NALF1: variants seen among roughly 807,000 people sequenced by gnomAD.
NALF1 encodes the protein family with sequence similarity 155 member A.
NALF1 carries 3 observed loss-of-function variants against 48.4 expected under a neutral mutation model. The ratio of observed to expected loss-of-function variants is 0.06; its 90% CI spans 0.03 to 0.16. The LOEUF (loss-of-function observed/expected upper bound fraction) is 0.16, where lower values mean the gene tolerates loss of function less well. Among genes scored for constraint, NALF1 ranks in the 10% least tolerant of loss-of-function variants. The pLI is 1.00. For missense variants in NALF1, 526 were observed against 571.5 expected (o/e 0.92, Z 0.81); for synonymous variants, 262 against 245.7 (o/e 1.07, Z -0.62).
intron 1 of NALF1, among the ~76,000 whole-genome samples, chr13:107,623,200 C>A (rs1386810988): frequency 6.6e-6 from 1 of 152,112 alleles, no homozygotes; most frequent in Non-Finnish European, 1.5e-5. Flanking sequence ...TAAAAATTTT[C>A]AAGTTCTTAT....
intron 1 of NALF1, among the ~76,000 whole-genome samples, chr13:107,792,369 A>T (rs754319795): frequency 5.3e-5 from 8 of 152,224 alleles, no homozygotes; most frequent in Non-Finnish European, 1.2e-4. Flanking sequence ...AGAACTAAAG[A>T]CAAAATGTGA....
intron 1 of NALF1, among the ~76,000 whole-genome samples, chr13:107,785,544 C>T (rs180895120): frequency 5.3e-5 from 8 of 152,032 alleles, no homozygotes; most frequent in East Asian, 1.9e-4. Context: ...TGGGGACTTG[C>T]GGGGAAGGGT....
chr13:107,369,314 T>C (rs1883207971), intron 1 of NALF1, among the ~76,000 whole-genome samples: 2 of 152,154 alleles, frequency 1.3e-5, no homozygotes, highest in South Asian at 4.1e-4. Flanking sequence ...TATCTTTCCT[T>C]ATTACAAGGA....
At chr13:107,176,952 C>T (rs1425135722) in intron 2 of NALF1, among the ~76,000 whole-genome samples, 1 of 151,412 alleles carries the variant, frequency 6.6e-6, no homozygotes. Context: ...CCCCAAATGT[C>T]ATAATTTCAT....
At chr13:107,836,094 G>A (rs773487123) in intron 1 of NALF1, among the ~76,000 whole-genome samples, 13 of 152,010 alleles carry the variant, frequency 8.6e-5, no homozygotes, top group Non-Finnish European at 1.8e-4. Flanking sequence ...TGACTCAAGC[G>A]ATCCTCCCAC....
chr13:107,531,031 T>C (rs78351058), intron 1 of NALF1: 1 of 135,690 alleles, frequency 7.4e-6, no homozygotes, highest in Non-Finnish European at 1.7e-5. Context: ...TATATATATA[T>C]ATACATCTGA....
intron 1 of NALF1, among the ~76,000 whole-genome samples, chr13:107,796,516 G>T (rs1878429664): frequency 6.6e-6 from 1 of 152,094 alleles, no homozygotes; most frequent in South Asian, 2.1e-4. Context: ...ATTATATTTT[G>T]TGATTTCAAC....
chr13:107,381,091 T>C (rs910811965), intron 1 of NALF1, among the ~76,000 whole-genome samples: 1 of 148,468 alleles, frequency 6.7e-6, no homozygotes, highest in African/African-American at 2.5e-5. Context: ...AATATATTCA[T>C]ATATATGAAA....
At chr13:107,819,963 T>C (rs577520231) in intron 1 of NALF1, among the ~76,000 whole-genome samples, 1 of 152,318 alleles carries the variant, frequency 6.6e-6, no homozygotes, top group African/African-American at 2.4e-5. Context: ...TCCAACGATG[T>C]ATTCATCCAC....
intron 1 of NALF1, among the ~76,000 whole-genome samples, chr13:107,267,451 T>G (rs1881065003): frequency 6.6e-6 from 1 of 152,116 alleles, no homozygotes; most frequent in South Asian, 2.1e-4. Flanking sequence ...AGAATCTTTA[T>G]AGCGAGAGCG....
chr13:107,296,790 T>C (rs1881735228), intron 1 of NALF1, among the ~76,000 whole-genome samples: 1 of 151,914 alleles, frequency 6.6e-6, no homozygotes, highest in East Asian at 1.9e-4. Flanking sequence ...TATATATATA[T>C]TTTTCAGAGT....
chr13:107,376,899 T>C (rs761710594), intron 1 of NALF1, among the ~76,000 whole-genome samples: 27 of 152,178 alleles, frequency 1.8e-4, no homozygotes, highest in South Asian at 2.1e-4. Context: ...CCCAGGAAAC[T>C]GTCCAACAAT....
chr13:107,827,126 C>A (rs561593220), intron 1 of NALF1, among the ~76,000 whole-genome samples: 29 of 152,330 alleles, frequency 1.9e-4, no homozygotes, highest in Non-Finnish European at 3.7e-4. Context: ...TTTATGACTA[C>A]AGACTCCTAA....
intron 1 of NALF1, among the ~76,000 whole-genome samples, chr13:107,286,037 A>C (rs1177689162): frequency 6.6e-6 from 1 of 152,168 alleles, no homozygotes. Context: ...TGAAATAAAT[A>C]AATCTACACA....
chr13:107,278,597 C>A (rs921281825), intron 1 of NALF1, among the ~76,000 whole-genome samples: 2 of 152,130 alleles, frequency 1.3e-5, no homozygotes, highest in Non-Finnish European at 2.9e-5. Flanking sequence ...AATGCCATAT[C>A]TTCTGAATAT....
chr13:107,390,150 G>A (rs1210404331), intron 1 of NALF1, among the ~76,000 whole-genome samples: 1 of 151,966 alleles, frequency 6.6e-6, no homozygotes, highest in African/African-American at 2.4e-5. Context: ...GGGGCAGATC[G>A]CTTGAAGCCA....
chr13:107,866,198 G>A lies in NALF1; in HGVS notation c.399C>T (p.Pro133=). The part of the protein sequence containing the change: ...LSASSSPTLP[P]SPGDGGGGGG... ...CGCCGCCGCCGCCGTCTCCCGGGGA[G>A]GGGGGCAGGGTGGGGGACGAGGAGG... The change falls in exon 1 of 3, where the codon CCC becomes CCT. Residue 133 remains proline (P), a synonymous_variant. Coordinates refer to ENST00000375915, the MANE Select transcript of NALF1 (RefSeq NM_001080396.3). This position sits in a 1 kb window ranked among gnomAD's most constrained non-coding sequence, Gnocchi z 4.4. The A allele has an allele frequency of 6.2e-7, 1 of 1,602,060 alleles. No homozygotes were observed.
At chr13:107,208,541 C>T (rs759796453) in intron 2 of NALF1, among the ~76,000 whole-genome samples, 2 of 152,178 alleles carry the variant, frequency 1.3e-5, no homozygotes, top group Non-Finnish European at 2.9e-5. Context: ...GCAAACACCT[C>T]GCCCTTCATT....
At chr13:107,661,094 C>CT (rs1880725546) in intron 1 of NALF1, among the ~76,000 whole-genome samples, 1 of 152,186 alleles carries the variant, frequency 6.6e-6, no homozygotes, top group Admixed American at 6.5e-5. Context: ...GAGCACCTCT[C>CT]AAACAAGACG....
Sources: allele counts gnomAD v4.1 joint callset (sites outside exome capture counted in the v4.1 genomes callset), GRCh38; gene constraint gnomAD v4.1.1; non-coding constraint Gnocchi (gnomAD v3.1); transcripts MANE v1.5; gene names NCBI Gene and HGNC (gene_info 2026-07-23, HGNC 2026-07-21).